TUT1: variants seen among roughly 807,000 people sequenced by gnomAD.
The protein encoded by TUT1 is speckle targeted PIP5K1A-regulated poly(A) polymerase.
A neutral mutation model predicts 48.8 loss-of-function variants in TUT1; 26 were observed. The observed-to-expected ratio is 0.53, with a 90% CI of 0.39 to 0.74. The LOEUF is 0.74. Ranked by LOEUF, TUT1 falls within the 30% of genes least tolerant of loss-of-function variation. The pLI, the probability that TUT1 is intolerant of heterozygous loss-of-function variation, is 0.00. For missense variants in TUT1, 1,065 were observed against 1,114.8 expected (o/e 0.96, Z 0.64); for synonymous variants, 470 against 460.8 (o/e 1.02, Z -0.26).
rs535690617 is a variant in TUT1 at position 62,578,879 on chromosome 11, G to A, written c.842C>T (p.Pro281Leu). 1.9e-6 allele frequency: 3 copies of A among 1,609,812 alleles called. No individual in the cohort carries two copies. The highest frequency in any genetic ancestry group is 2.2e-5 in the South Asian group (2 of 90,798). ...AGTTTGGGGCGCCAGGGAGGAGGAA[G>A]GGGTTTCAAAGTCCAGGGCTTCAGA... ...QDSEALDFET[P>L]SSSLAPQTPD... Residue 281 changes from proline to leucine, a missense_variant, in exon 5 of 9, where the codon CCT becomes CTT. By Grantham distance (98) the Pro-to-Leu change is moderately conservative (BLOSUM62 -3). Coordinates refer to ENST00000476907, the MANE Select transcript of TUT1 (RefSeq NM_022830.3).
chr11:62,588,666 CTT>C (rs374147219), intron 2 of TUT1, among the ~76,000 whole-genome samples: 163 of 152,320 alleles, frequency 1.1e-3, no homozygotes, highest in African/African-American at 3.3e-3. Flanking sequence ...GTTTCTCTCT[CTT>C]GTCTCTTTGG....
At chr11:62,579,054 G>A in intron 4 of TUT1, 24 bp from the exon 5 acceptor site, 2 of 1,472,198 alleles carry the variant, frequency 1.4e-6, no homozygotes, top group South Asian at 2.9e-5. Flanking sequence ...TGAACTGAGT[G>A]AAATGTTTCT....
intron 2 of TUT1, among the ~76,000 whole-genome samples, chr11:62,588,584 C>T (rs182834823): frequency 6.6e-6 from 1 of 152,298 alleles, no homozygotes; most frequent in African/African-American, 2.4e-5. Context: ...GCTCCCAAAG[C>T]TGGTCTAGCC....
Position 62,575,876 on chromosome 11 carries a change from G to T in TUT1, c.1843C>A (p.Pro615Thr). The T allele has an allele frequency of 2.5e-6, 4 of 1,614,200 alleles. No homozygotes were observed. Among genetic ancestry groups the T allele is most frequent in the Non-Finnish European group, 3.4e-6 (4 of 1,180,026 alleles). The change falls in exon 9 of 9, where the codon CCC becomes ACC. Residue 615 changes from proline (P) to threonine (T), a missense_variant. Coordinates refer to ENST00000476907, the MANE Select transcript of TUT1 (RefSeq NM_022830.3). ...SATPIPLPLA[P>T]FTQLTAALVQ... is the part of the protein sequence containing the mutation. ...AGGGCAGCAGTGAGCTGGGTGAAGG[G>T]TGCAAGGGGTAAAGGGATCGGCGTA...
At chr11:62,584,616 G>A in intron 2 of TUT1, among the ~76,000 whole-genome samples, 1 of 151,092 alleles carries the variant, frequency 6.6e-6, no homozygotes, top group Non-Finnish European at 1.5e-5. Flanking sequence ...GTAATTTTTT[G>A]TATTTTTAGT....
Position 62,578,415 on chromosome 11 carries a change from C to T in TUT1, c.1160+146G>A, listed in dbSNP as rs199639697. On this transcript the variant is annotated intron_variant, in intron 5 of 8. Coordinates refer to ENST00000476907, the MANE Select transcript of TUT1 (RefSeq NM_022830.3). ...ACAAAATTAGCCAGGCGTGGTGGCG[C>T]ATGCCTGTAATCCCAGCTACTTGGG... The T allele has an allele frequency of 1.0e-4, 74 of 723,874 alleles. No individual in the cohort carries two copies. In the East Asian group the frequency reaches 1.9e-3, roughly 19 times the overall value. 44.8% of individuals were successfully genotyped at this position (723,874 alleles called of 1,614,324 possible). A position where few individuals can be genotyped will look rare whatever the true frequency, so the allele number is the denominator to read the frequency against.
In TUT1 at chr11:62,576,132, A is replaced by G. The variant is rs1941723652; in HGVS notation, c.1587T>C (p.Asn529=). ...ALPVAGGLPS[N]LWEGLRLGPL... The stretch of plus-strand genomic sequence containing the variant: ...GGCCAAGGCGCAGACCCTCCCAGAG[A>G]TTAGAAGGCAGGCCCCCTGCCACAG... Residue 529 remains asparagine (N), a synonymous_variant, in exon 9 of 9, where the codon AAT becomes AAC. Transcript: ENST00000476907. 6.2e-7 allele frequency: 1 copy of G among 1,613,890 alleles called. No homozygotes were observed. Among genetic ancestry groups the G allele is most frequent in the Non-Finnish European group, 8.5e-7 (1 of 1,179,972 alleles).
intron 8 of TUT1, 135 bp downstream of exon 8, chr11:62,576,522 A>T: frequency 2.3e-6 from 2 of 867,848 alleles, no homozygotes; most frequent in South Asian, 1.7e-5. Context: ...CTTCATCTGT[A>T]AAATGGCAGT....
intron 1 of TUT1, among the ~76,000 whole-genome samples, chr11:62,590,988 G>T (rs1942002249): frequency 6.6e-6 from 1 of 151,882 alleles, no homozygotes; most frequent in South Asian, 2.1e-4. Context: ...CCTCTGTAGG[G>T]CTTCTCTGAT....
chr11:62,583,178 G>A (rs534841830), intron 2 of TUT1, among the ~76,000 whole-genome samples: 2 of 151,688 alleles, frequency 1.3e-5, no homozygotes, highest in Admixed American at 1.3e-4. Flanking sequence ...ACTGTGCGAG[G>A]CATAAATACA....
At chr11:62,583,602 G>A (rs111742971) in intron 2 of TUT1, among the ~76,000 whole-genome samples, 9 of 151,834 alleles carry the variant, frequency 5.9e-5, no homozygotes, top group African/African-American at 1.2e-4. Context: ...GCGAATCTCC[G>A]TCTCAAAAAG....
chr11:62,582,956 G>A (rs1013998162), intron 2 of TUT1, among the ~76,000 whole-genome samples: 5 of 151,616 alleles, frequency 3.3e-5, no homozygotes, highest in African/African-American at 9.7e-5. Flanking sequence ...GTGAAACCCC[G>A]TCTCTACTAA....
In TUT1 at chr11:62,575,871, G is replaced by T; in HGVS notation, c.1848C>A (p.Phe616Leu). 1 of 1,614,202 alleles carries T rather than the reference G, an allele frequency of 6.2e-7. No individual in the cohort carries two copies. Among genetic ancestry groups the T allele is most frequent in the African/African-American group, 1.3e-5 (1 of 75,062 alleles). Residue 616 changes from phenylalanine to leucine, a missense_variant, in exon 9 of 9, where the codon TTC becomes TTA. Phe to Leu is a conservative substitution (Grantham distance 22). Transcript: ENST00000476907. ...GCACCAGGGCAGCAGTGAGCTGGGTGAAGGGTGCAAGGGGTAAAGGGATCG... is the reference window on the plus strand; with the variant it reads ...GCACCAGGGCAGCAGTGAGCTGGGTTAAGGGTGCAAGGGGTAAAGGGATCG... ...ATPIPLPLAP[F>L]TQLTAALVQV...
intron 2 of TUT1, among the ~76,000 whole-genome samples, chr11:62,587,284 C>A (rs1218245270): frequency 6.6e-6 from 1 of 151,996 alleles, no homozygotes; most frequent in Non-Finnish European, 1.5e-5. Flanking sequence ...CGGGTTCAAG[C>A]GATTCTCCTG....
chr11:62,576,573 G>T, intron 8 of TUT1, 84 bp downstream of exon 8: 1 of 1,190,486 alleles, frequency 8.4e-7, no homozygotes, highest in Non-Finnish European at 1.2e-6. Context: ...TGAGAACCAT[G>T]CCTGGCACAC....
In TUT1 at chr11:62,575,266, C is replaced by T. The variant is rs756973153; in HGVS notation, c.2453G>A (p.Ser818Asn). 6.2e-7 allele frequency: 1 copy of T among 1,614,212 alleles called. No homozygotes were observed. Among genetic ancestry groups the T allele is most frequent in the East Asian group, 2.2e-5 (1 of 44,882 alleles). The change falls in exon 9 of 9, where the codon AGT (serine) becomes AAT (asparagine). Residue 818 changes from serine (S) to asparagine (N), a missense_variant. By Grantham distance (46) the Ser-to-Asn change is conservative. Transcript: ENST00000476907. ...AGTTTCTGGCCTCTCTTCGCCACCA[C>T]TCAGTCCTTTCAGCTCCTGGGTGAC... ...AQVTQELKGLSGGEERPETEP... is the reference protein window; with the variant it reads ...AQVTQELKGLNGGEERPETEP...
intron 5 of TUT1, 81 bp downstream of exon 5, chr11:62,578,480 G>C: frequency 7.5e-7 from 1 of 1,325,972 alleles, no homozygotes; most frequent in Admixed American, 2.4e-5. Context: ...GGGAGGCAGA[G>C]GTTGCAGAGA....
In TUT1 at chr11:62,575,474, A is replaced by G. The variant is rs930909781; in HGVS notation, c.2245T>C (p.Trp749Arg). 1.2e-6 allele frequency: 2 copies of G among 1,612,002 alleles called. No homozygotes were observed. The highest frequency in any genetic ancestry group is 1.7e-5 in the Admixed American group (1 of 59,998). Residue 749 changes from tryptophan to arginine, a missense_variant, in exon 9 of 9, where the codon TGG (tryptophan) becomes CGG (arginine). Transcript: ENST00000476907. ...GPKGHEAAQE[W>R]SQGEAGKGAS... ...CCCTTCCCTGCCTCACCCTGAGACCATTCTTGGGCTGCCTCATGTCCCTTG... is the reference window on the plus strand; with the variant it reads ...CCCTTCCCTGCCTCACCCTGAGACCGTTCTTGGGCTGCCTCATGTCCCTTG...
At chr11:62,584,800 T>C (rs1204271400) in intron 2 of TUT1, among the ~76,000 whole-genome samples, 2 of 151,372 alleles carry the variant, frequency 1.3e-5, no homozygotes, top group African/African-American at 4.9e-5. Flanking sequence ...AACCAACCAA[T>C]GAATTGTATA....
Sources: gnomAD v4.1 joint callset for allele counts (sites outside exome capture counted in the v4.1 genomes callset) on GRCh38, gnomAD v4.1.1 for gene constraint, MANE v1.5 for transcripts, NCBI Gene and HGNC (gene_info 2026-07-23, HGNC 2026-07-21) for gene names.